IL1RAP: variants seen among roughly 807,000 people sequenced by gnomAD.
The protein encoded by IL1RAP is interleukin 1 receptor accessory protein, also known as interleukin-1 receptor accessory protein.
A neutral mutation model predicts 60.7 loss-of-function variants in IL1RAP; 35 were observed. That is an observed-to-expected ratio of 0.58 (90% CI 0.44 to 0.76). The LOEUF (loss-of-function observed/expected upper bound fraction) is 0.76. Among genes scored for constraint, IL1RAP ranks in the 30% least tolerant of loss-of-function variants. The pLI is 0.00. For missense variants in IL1RAP, 572 were observed against 693.9 expected, an observed-to-expected ratio of 0.82 and a Z score of 1.97; for synonymous variants, 268 against 250.9, an observed-to-expected ratio of 1.07 and a Z score of -0.64.
At chr3:190,644,700 A>G (rs1003599217) in intron 10 of IL1RAP, among the ~76,000 whole-genome samples, 1 of 152,224 alleles carries the variant, frequency 6.6e-6, no homozygotes, top group Non-Finnish European at 1.5e-5. Context: ...AGAAACAAGT[A>G]AAAATAACGA....
intron 4 of IL1RAP, among the ~76,000 whole-genome samples, chr3:190,606,046 A>G (rs957902146): frequency 2.0e-5 from 3 of 152,096 alleles, no homozygotes; most frequent in Admixed American, 1.3e-4. Flanking sequence ...TCTCTTTTCT[A>G]TCACAGAAAA....
At chr3:190,551,421 C>G (rs985329197) in intron 1 of IL1RAP, among the ~76,000 whole-genome samples, 3 of 152,182 alleles carry the variant, frequency 2.0e-5, no homozygotes, top group Admixed American at 6.5e-5. Flanking sequence ...CTAGAGGAAC[C>G]AGGCAGAGAG....
At chr3:190,595,019 C>G (rs1421554064) in intron 3 of IL1RAP, among the ~76,000 whole-genome samples, 1 of 152,166 alleles carries the variant, frequency 6.6e-6, no homozygotes, top group Non-Finnish European at 1.5e-5. Context: ...TCCCTTCTCT[C>G]TCCCTCCTTC....
intron 3 of IL1RAP, among the ~76,000 whole-genome samples, chr3:190,574,338 G>A (rs1240567344): frequency 6.6e-6 from 1 of 152,120 alleles, no homozygotes; most frequent in Non-Finnish European, 1.5e-5. Context: ...TTTCTCAAAG[G>A]AAAGCAGTTC....
chr3:190,541,127 T>C (rs1723900418), intron 1 of IL1RAP, among the ~76,000 whole-genome samples: 2 of 151,760 alleles, frequency 1.3e-5, no homozygotes, highest in African/African-American at 4.8e-5. Flanking sequence ...AACTGGGAGA[T>C]AGGGGTGCTA....
intron 1 of IL1RAP, chr3:190,520,486 A>G (rs1441656606): frequency 6.6e-6 from 1 of 152,196 alleles, no homozygotes; most frequent in Non-Finnish European, 1.5e-5. Flanking sequence ...TCCTAATAAT[A>G]AAGGGCATTT....
chr3:190,525,518 G>A (rs1722433214), intron 1 of IL1RAP, among the ~76,000 whole-genome samples: 1 of 152,210 alleles, frequency 6.6e-6, no homozygotes, highest in African/African-American at 2.4e-5. Flanking sequence ...GAAGCAGGAT[G>A]ATGAGCAGGT....
chr3:190,564,093 A>G (rs1560172369), intron 2 of IL1RAP, 196 bp from the exon 3 acceptor site: 1 of 562,836 alleles, frequency 1.8e-6, no homozygotes, highest in East Asian at 2.9e-5. Flanking sequence ...ATGGGAATTG[A>G]AAAACAAACA....
intron 5 of IL1RAP, among the ~76,000 whole-genome samples, chr3:190,619,954 A>C (rs1015785946): frequency 2.0e-5 from 3 of 152,180 alleles, no homozygotes; most frequent in African/African-American, 7.2e-5. Context: ...AAGTTTCCTT[A>C]GTCATTATTT....
exon 12 of IL1RAP, chr3:190,658,673 T>C (rs1259160499): frequency 6.6e-6 from 1 of 152,260 alleles, no homozygotes; most frequent in Non-Finnish European, 1.5e-5. Flanking sequence ...TGAGTGTCAG[T>C]GGCTCCCGGT....
chr3:190,586,446 C>G (rs1346497383), intron 3 of IL1RAP, among the ~76,000 whole-genome samples: 4 of 152,180 alleles, frequency 2.6e-5, no homozygotes, highest in Non-Finnish European at 5.9e-5. Flanking sequence ...ATAGTTGTAA[C>G]TGGAGGTGAC....
intron 1 of IL1RAP, among the ~76,000 whole-genome samples, chr3:190,535,222 G>T (rs921570605): frequency 6.6e-6 from 1 of 152,142 alleles, no homozygotes; most frequent in African/African-American, 2.4e-5. Context: ...ACTGAAACTT[G>T]AACTCAAGTC....
chr3:190,612,812 T>A (rs781152442), intron 5 of IL1RAP, among the ~76,000 whole-genome samples: 9 of 152,328 alleles, frequency 5.9e-5, no homozygotes, highest in Non-Finnish European at 8.8e-5. Context: ...GGGGACCGTC[T>A]GCTGTGTTGT....
intron 3 of IL1RAP, among the ~76,000 whole-genome samples, chr3:190,568,255 G>A (rs2108638952): frequency 6.6e-6 from 1 of 152,264 alleles, no homozygotes; most frequent in Middle Eastern, 3.4e-3. Context: ...TTGTACAGGG[G>A]TAGGGGCTGG....
chr3:190,619,992 A>G (rs1731633761), intron 5 of IL1RAP, among the ~76,000 whole-genome samples: 1 of 152,140 alleles, frequency 6.6e-6, no homozygotes, highest in Non-Finnish European at 1.5e-5. Context: ...TTTACTATCA[A>G]CATAGGATGC....
intron 10 of IL1RAP, among the ~76,000 whole-genome samples, 198 bp downstream of exon 10, chr3:190,644,595 T>G (rs1213817260): frequency 6.6e-6 from 1 of 152,194 alleles, no homozygotes; most frequent in Admixed American, 6.5e-5. Context: ...GATTAATTAG[T>G]GAGTCGGTCT....
chr3:190,631,587 A>G (rs1732792335), intron 9 of IL1RAP, among the ~76,000 whole-genome samples: 1 of 152,192 alleles, frequency 6.6e-6, no homozygotes, highest in African/African-American at 2.4e-5. Context: ...ATCTGAGTTC[A>G]CATTCATACA....
chr3:190,600,778 T>C (rs909078356), intron 3 of IL1RAP, among the ~76,000 whole-genome samples: 1 of 152,158 alleles, frequency 6.6e-6, no homozygotes, highest in East Asian at 1.9e-4. Context: ...CACTAATGAC[T>C]CTTTATCTTG....
At chr3:190,619,853 G>C (rs1327600057) in intron 5 of IL1RAP, among the ~76,000 whole-genome samples, 1 of 152,138 alleles carries the variant, frequency 6.6e-6, no homozygotes, top group Non-Finnish European at 1.5e-5. Flanking sequence ...ATCAGACGGA[G>C]TGACTGGAGT....
Sources: allele counts gnomAD v4.1 joint callset (sites outside exome capture counted in the v4.1 genomes callset), GRCh38; gene constraint gnomAD v4.1.1; transcripts MANE v1.5; gene names NCBI Gene and HGNC (gene_info 2026-07-23, HGNC 2026-07-21).